The following AUTS2 variants were observed in gnomAD, a reference collection of about 807,000 sequenced individuals.
The protein encoded by AUTS2 is autism susceptibility gene 2 protein.
AUTS2 carries 17 observed loss-of-function variants against 112.4 expected under a neutral mutation model. The observed-to-expected ratio is 0.15, with a 90% CI of 0.10 to 0.23. The LOEUF is 0.23. Ranked by LOEUF, AUTS2 falls within the 10% of genes least tolerant of loss-of-function variation. AUTS2 has a pLI of 1.00. For synonymous variants in AUTS2, 751 were observed against 702.7 expected (o/e 1.07, Z -1.09); for missense variants, 1,510 against 1,701.6 (o/e 0.89, Z 1.98).
chr7:69,759,007 G>T (rs1447082774), intron 1 of AUTS2, among the ~76,000 whole-genome samples: 1 of 152,064 alleles, frequency 6.6e-6, no homozygotes, highest in Non-Finnish European at 1.5e-5. Context: ...TAATTATGAT[G>T]GCAGGAACAC....
intron 2 of AUTS2, among the ~76,000 whole-genome samples, chr7:70,066,104 G>T (rs1802478327): frequency 6.6e-6 from 1 of 152,074 alleles, no homozygotes; most frequent in Non-Finnish European, 1.5e-5. Flanking sequence ...ACAATAATAA[G>T]AAATTAATCA....
chr7:69,895,549 C>CCA (rs1554400688), intron 1 of AUTS2, among the ~76,000 whole-genome samples: 6 of 142,316 alleles, frequency 4.2e-5, no homozygotes, highest in Non-Finnish European at 6.0e-5. Context: ...TTCTTCCCCC[C>CCA]CCCCGAGTGG....
chr7:70,250,161 A>G (rs1197466683), intron 4 of AUTS2, among the ~76,000 whole-genome samples: 1 of 152,114 alleles, frequency 6.6e-6, no homozygotes, highest in Non-Finnish European at 1.5e-5. Context: ...TTATGAAGCC[A>G]TTGTTTTATT....
rs549089294 is a variant in AUTS2 at position 70,264,109 on chromosome 7, G to A, written c.660+129538G>A. 2.4e-4 allele frequency among the ~76,000 whole-genome samples: 36 copies of A among 152,296 alleles called. No homozygotes were observed. The South Asian group carries it at 7.5e-3, about 32-fold the overall frequency. On this transcript the variant is annotated intron_variant, in intron 4 of 18. Coordinates refer to ENST00000342771, the MANE Select transcript of AUTS2 (RefSeq NM_015570.4). ...CTCAATTCTATTATGTTGGAAGAGT[G>A]GAAGCGTTCATAAAATGTTGTGACA...
intron 2 of AUTS2, among the ~76,000 whole-genome samples, chr7:69,907,485 C>T (rs181554244): frequency 1.3e-5 from 2 of 152,278 alleles, no homozygotes; most frequent in Admixed American, 1.3e-4. Context: ...TTTTATGTAA[C>T]CAACACACAT....
intron 4 of AUTS2, among the ~76,000 whole-genome samples, chr7:70,271,821 A>G (rs551480028): frequency 2.0e-5 from 3 of 152,348 alleles, no homozygotes; most frequent in Admixed American, 6.5e-5. Flanking sequence ...TCACTTTTAC[A>G]TGATAGGTCT....
chr7:70,170,087 A>AT (rs1214271927), intron 4 of AUTS2, among the ~76,000 whole-genome samples: 73 of 150,924 alleles, frequency 4.8e-4, no homozygotes, highest in African/African-American at 1.7e-3. Context: ...GTTTTTTTTT[A>AT]TTAAAAAAAA....
intron 4 of AUTS2, among the ~76,000 whole-genome samples, chr7:70,253,525 T>G (rs1786709132): frequency 6.6e-6 from 1 of 152,190 alleles, no homozygotes; most frequent in African/African-American, 2.4e-5. Context: ...CCCTGAGAAC[T>G]TTGTGTGAGT....
chr7:70,329,776 T>C (rs1228126659), intron 4 of AUTS2, among the ~76,000 whole-genome samples: 1 of 151,966 alleles, frequency 6.6e-6, no homozygotes, highest in Non-Finnish European at 1.5e-5. Context: ...GATGAAGTCT[T>C]AGCCTGTTTA....
intron 4 of AUTS2, among the ~76,000 whole-genome samples, chr7:70,377,776 T>TG: frequency 6.7e-6 from 1 of 149,430 alleles, no homozygotes; most frequent in Non-Finnish European, 1.5e-5. Context: ...ATGTCTTCTT[T>TG]TTTTTTTTTT....
intron 5 of AUTS2, among the ~76,000 whole-genome samples, chr7:70,480,692 A>T (rs1400069273): frequency 6.6e-6 from 1 of 152,224 alleles, no homozygotes; most frequent in African/African-American, 2.4e-5. Flanking sequence ...CCTGTGTGGC[A>T]GGAGACAGGA....
At chr7:70,353,895 G>C (rs1337407518) in intron 4 of AUTS2, among the ~76,000 whole-genome samples, 3 of 152,118 alleles carry the variant, frequency 2.0e-5, no homozygotes, top group Non-Finnish European at 4.4e-5. Flanking sequence ...TCCTGCCTTG[G>C]CATTTTCTTT....
chr7:70,108,783 CAAAAAA>C (rs528009205), intron 2 of AUTS2, among the ~76,000 whole-genome samples: 9 of 69,184 alleles, frequency 1.3e-4, no homozygotes, highest in African/African-American at 3.8e-4. Flanking sequence ...GCCAACATGG[CAAAAAA>C]AAAAAAAAAA....
At chr7:70,229,140 A>G (rs1811920056) in intron 4 of AUTS2, among the ~76,000 whole-genome samples, 1 of 152,016 alleles carries the variant, frequency 6.6e-6, no homozygotes, top group South Asian at 2.1e-4. Context: ...ATAGCCTCCT[A>G]TAGTTACCTA....
intron 6 of AUTS2, among the ~76,000 whole-genome samples, chr7:70,760,264 C>T (rs185414236): frequency 1.3e-5 from 2 of 152,208 alleles, no homozygotes; most frequent in African/African-American, 4.8e-5. Context: ...CTTGGCCTCC[C>T]AAAGTGCTGG....
At chr7:70,406,018 G>A (rs1228804150) in intron 4 of AUTS2, among the ~76,000 whole-genome samples, 1 of 152,106 alleles carries the variant, frequency 6.6e-6, no homozygotes, top group African/African-American at 2.4e-5. Flanking sequence ...TGGCGGCCTG[G>A]TGGCAGTCCT....
intron 5 of AUTS2, among the ~76,000 whole-genome samples, chr7:70,520,354 G>T (rs930796042): frequency 4.6e-5 from 7 of 152,144 alleles, no homozygotes; most frequent in African/African-American, 1.7e-4. Flanking sequence ...ACCTGTGCCT[G>T]GTCTCTCCTC....
At chr7:70,305,585 A>G (rs1217975390) in intron 4 of AUTS2, among the ~76,000 whole-genome samples, 1 of 152,242 alleles carries the variant, frequency 6.6e-6, no homozygotes, top group Non-Finnish European at 1.5e-5. Flanking sequence ...CATGACAAGT[A>G]ACAAATAAAC....
At chr7:70,010,268 C>G (rs994761247) in intron 2 of AUTS2, among the ~76,000 whole-genome samples, 1 of 152,150 alleles carries the variant, frequency 6.6e-6, no homozygotes. Flanking sequence ...ACCTCAGCCT[C>G]CCAAGTGGCT....
Sources: allele counts gnomAD v4.1 joint callset (sites outside exome capture counted in the v4.1 genomes callset), GRCh38; gene constraint gnomAD v4.1.1; transcripts MANE v1.5; gene names NCBI Gene and HGNC (gene_info 2026-07-23, HGNC 2026-07-21).